Variants in LONRF1 observed in about 807,000 individuals in gnomAD.
LONRF1 encodes the protein LON peptidase N-terminal domain and RING finger protein 1.
Under a neutral mutation model 85.8 loss-of-function variants are expected in LONRF1, and 37 were observed. That is an observed-to-expected ratio of 0.43 (90% CI 0.33 to 0.57). The LOEUF is 0.57. Ranked by LOEUF, LONRF1 falls within the 20% of genes least tolerant of loss-of-function variation. The probability of loss-of-function intolerance (pLI) is 0.04; values close to 1 mark genes in which losing one functional copy is unlikely to be tolerated. For missense variants in LONRF1, 1,036 were observed against 978.0 expected, an observed-to-expected ratio of 1.06 and a Z score of -0.79; for synonymous variants, 517 against 390.1, an observed-to-expected ratio of 1.33 and a Z score of -3.83.
chr8:12,725,055 A>C (rs1013413209), intron 11 of LONRF1, among the ~76,000 whole-genome samples: 1 of 152,226 alleles, frequency 6.6e-6, no homozygotes, highest in Non-Finnish European at 1.5e-5. Flanking sequence ...ACGATGCCTA[A>C]AACGTAGTGC....
At chr8:12,754,321 G>T (rs922329428) in intron 1 of LONRF1, 1 of 167,860 alleles carries the variant, frequency 6.0e-6, no homozygotes, top group Admixed American at 6.4e-5. Context: ...CGGAAAGCGC[G>T]CGGCAGGAAG....
At chr8:12,733,605 A>G (rs943870338) in intron 7 of LONRF1, among the ~76,000 whole-genome samples, 16 of 152,184 alleles carry the variant, frequency 1.1e-4, no homozygotes, top group Non-Finnish European at 2.2e-4. Context: ...ATCTGTCATA[A>G]TATCTTCGAT....
intron 1 of LONRF1, among the ~76,000 whole-genome samples, chr8:12,747,419 A>C (rs1341349337): frequency 1.3e-5 from 2 of 152,234 alleles, no homozygotes; most frequent in Non-Finnish European, 2.9e-5. Context: ...TACTCATACA[A>C]TTTGAAAAAT....
intron 8 of LONRF1, among the ~76,000 whole-genome samples, 161 bp downstream of exon 8, chr8:12,731,575 G>C (rs1798530838): frequency 6.6e-6 from 1 of 152,024 alleles, no homozygotes; most frequent in Non-Finnish European, 1.5e-5. Context: ...ATGTTACCAA[G>C]TGAACTTTTA....
rs564473556 is a variant in LONRF1, at chr8:12,741,530, C to G, written c.841-534G>C. 2.0e-5 allele frequency among the ~76,000 whole-genome samples: 3 copies of G among 152,272 alleles called. No homozygotes were observed. The South Asian group carries it at 6.2e-4, about 32-fold the overall frequency. On this transcript the variant is annotated intron_variant, in intron 2 of 11. Coordinates refer to ENST00000398246, the MANE Select transcript of LONRF1 (RefSeq NM_152271.5). ...ATGACTTTTTCACCAAAGTTCCACA[C>G]CAAGTCAGAGCTGGGCAGGATCAGA...
rs1384631413 is a variant in LONRF1, at chr8:12,742,000, T to C, written c.841-1004A>G. On this transcript the variant is annotated intron_variant, in intron 2 of 11. Coordinates refer to ENST00000398246, the MANE Select transcript of LONRF1 (RefSeq NM_152271.5). The stretch of plus-strand genomic sequence containing the variant: ...ATTAGAATGAAACAGATTCTTAGTA[T>C]TAAATAATATCAGAGGAGCCTAAAG... Among the ~76,000 whole-genome samples, 3 of 152,208 alleles carry C rather than the reference T, an allele frequency of 2.0e-5. No homozygotes were observed. In the East Asian group the frequency reaches 5.8e-4, roughly 29 times the overall value.
chr8:12,740,846 G>T, intron 3 of LONRF1, 28 bp downstream of exon 3: 2 of 1,608,884 alleles, frequency 1.2e-6, no homozygotes, highest in East Asian at 2.2e-5. Flanking sequence ...GCCCTACCAT[G>T]AACTGTAATT....
intron 3 of LONRF1, among the ~76,000 whole-genome samples, chr8:12,739,656 A>T (rs949753363): frequency 2.0e-5 from 3 of 152,236 alleles, no homozygotes; most frequent in Non-Finnish European, 4.4e-5. Flanking sequence ...ATATTGGAGA[A>T]AAACAAAATA....
chr8:12,724,077 G>C (rs924752832), intron 11 of LONRF1, among the ~76,000 whole-genome samples: 2 of 152,186 alleles, frequency 1.3e-5, no homozygotes, highest in African/African-American at 4.8e-5. Context: ...GGCCCCTCTA[G>C]AATCAGATTC....
Position 12,723,870 on chromosome 8 carries a change from A to G in LONRF1, c.2164-616T>C, listed in dbSNP as rs1314513615. Among the ~76,000 whole-genome samples the G allele has an allele frequency of 2.0e-5, 3 of 152,232 alleles. No homozygotes were observed. The East Asian group carries it at 5.8e-4, about 29-fold the overall frequency. ...AAGGCCCCAGCTTCCAATGTTGTTC[A>G]AAAAAGAAACATATCTCCAGTGAAA... On this transcript the variant is annotated intron_variant, in intron 11 of 11. Transcript: ENST00000398246.
At chr8:12,732,342 A>G (rs1480143658) in intron 7 of LONRF1, among the ~76,000 whole-genome samples, 3 of 152,150 alleles carry the variant, frequency 2.0e-5, no homozygotes, top group Non-Finnish European at 4.4e-5. Context: ...TTTTTCTTCC[A>G]TTGTCACCCA....
rs993238906 is a variant in LONRF1 at position 12,755,492 on chromosome 8, C to T, written c.-72G>A. ...AGCCTCCCGGGCGCGCGGCTCCGCA[C>T]GCGGCCCGCGAGCAGGGGGGCGTGG... On this transcript the variant is annotated 5_prime_UTR_variant, in exon 1 of 12. In the 5' UTR this introduces an upstream ATG that the reference lacks. Coordinates refer to ENST00000398246, the MANE Select transcript of LONRF1 (RefSeq NM_152271.5). 1.2e-6 allele frequency: 1 copy of T among 832,796 alleles called. No homozygotes were observed. The highest frequency in any genetic ancestry group is 1.5e-6 in the Non-Finnish European group (1 of 683,218). 51.6% of individuals were successfully genotyped at this position (832,796 alleles called of 1,614,324 possible).
chr8:12,736,824 C>T (rs1219287253), intron 5 of LONRF1, 27 bp from the exon 6 acceptor site: 1 of 1,586,934 alleles, frequency 6.3e-7, no homozygotes, highest in Non-Finnish European at 8.6e-7. Flanking sequence ...ATGGGGTTTT[C>T]TTCCTTAGGA....
chr8:12,741,449 G>C (rs915059006), intron 2 of LONRF1, among the ~76,000 whole-genome samples: 3 of 152,172 alleles, frequency 2.0e-5, no homozygotes, highest in Admixed American at 6.5e-5. Context: ...GCATTTTAAA[G>C]GCATACCTAC....
intron 1 of LONRF1, among the ~76,000 whole-genome samples, chr8:12,750,085 T>C (rs190826375): frequency 6.6e-6 from 1 of 152,248 alleles, no homozygotes; most frequent in African/African-American, 2.4e-5. Flanking sequence ...CTTTCAGTTT[T>C]AACTTGGTCA....
At position 12,733,886 on chromosome 8, in the gene LONRF1, G is replaced by A. The variant is rs17829072; in HGVS notation, c.1566+1400C>T. On this transcript the variant is annotated intron_variant, in intron 7 of 11. Coordinates refer to ENST00000398246, the MANE Select transcript of LONRF1 (RefSeq NM_152271.5). ...GAATTTACAAATTATATTACGCAGG[G>A]TATCTTCAAAGTTGGAAACAGGATA... 8.7e-3 allele frequency among the ~76,000 whole-genome samples: 1,321 copies of A among 152,144 alleles called. 14 individuals carry two copies. Among genetic ancestry groups the A allele is most frequent in the South Asian group, 0.038 (182 of 4,822 alleles).
chr8:12,755,078 C>A lies in LONRF1; in HGVS notation c.343G>T (p.Gly115Cys), dbSNP rs759016191. 3.2e-5 allele frequency: 47 copies of A among 1,472,550 alleles called. No homozygotes were observed. Among genetic ancestry groups the A allele is most frequent in the East Asian group, 3.0e-5 (1 of 33,772 alleles). 91.2% of individuals were successfully genotyped at this position (1,472,550 alleles called of 1,614,324 possible). A position where few individuals can be genotyped will look rare whatever the true frequency, so the allele number is the denominator to read the frequency against. The change falls in exon 1 of 12, where the codon GGC becomes TGC. Residue 115 changes from glycine to cysteine, a missense_variant. By Grantham distance (159) the Gly-to-Cys change is radical (BLOSUM62 -3). This residue lies in a region of LONRF1 where 742 missense variants were observed against 614.4 expected (regional missense o/e 1.21). Coordinates refer to ENST00000398246, the MANE Select transcript of LONRF1 (RefSeq NM_152271.5). ...WSAAPVAGAD[G>C]GAGGLLRCLG... The stretch of plus-strand genomic sequence containing the variant: ...CATCTGAGGAGCCCGCCGGCGCCGC[C>A]GTCAGCGCCTGCAACCGGGGCCGCG...
Position 12,755,140 on chromosome 8 carries a change from AC to A in LONRF1, c.280del (p.Val94CysfsTer37). 6.9e-7 allele frequency: 1 copy of A among 1,448,688 alleles called. No homozygotes were observed. Among genetic ancestry groups the A allele is most frequent in the African/African-American group, 1.5e-5 (1 of 67,566 alleles). The allele number at this position is 1,448,688 out of a possible 1,614,324, so 89.7% of individuals were successfully genotyped here. Reference sequence around the variant, plus strand: ...CCCGTGGCGGAGCCGGTAGTTGAACACCAGGCAGTCCACCAGGGCGCCCAGG... The same window carrying A: ...CCCGTGGCGGAGCCGGTAGTTGAACACAGGCAGTCCACCAGGGCGCCCAGG... ...ECLGALVDCL[V>X]FNYRLRHGLG... On this transcript the variant is annotated frameshift_variant, in exon 1 of 12. Transcript: ENST00000398246. LOFTEE classifies it high-confidence loss of function.
chr8:12,729,108 G>T, intron 9 of LONRF1, 45 bp from the exon 10 acceptor site: 2 of 1,611,466 alleles, frequency 1.2e-6, no homozygotes, highest in South Asian at 2.2e-5. Context: ...ACATAAACAT[G>T]CAAGTTCTCA....
Sources: gnomAD v4.1 joint callset for allele counts (sites outside exome capture counted in the v4.1 genomes callset) on GRCh38, gnomAD v4.1.1 for gene constraint, gnomAD v4.1.1 regional missense constraint, MANE v1.5 for transcripts, NCBI Gene and HGNC (gene_info 2026-07-23, HGNC 2026-07-21) for gene names.